KLHDC4: variants seen among roughly 807,000 people sequenced by gnomAD.
KLHDC4 encodes kelch domain-containing protein 4.
KLHDC4 carries 90 observed loss-of-function variants against 62.4 expected under a neutral mutation model. The observed-to-expected ratio is 1.44, with a 90% CI of 1.22 to 1.72. The LOEUF (loss-of-function observed/expected upper bound fraction) is 1.72, where lower values mean the gene tolerates loss of function less well. KLHDC4 is among the 40% of genes most tolerant of loss of function. The pLI is 0.00. For synonymous variants in KLHDC4, 386 were observed against 284.4 expected (o/e 1.36, Z -3.59); for missense variants, 1,025 against 699.7 (o/e 1.47, Z -5.25).
At chr16:87,698,261 C>CTGAT (rs936608998) in exon 1 of KLHDC4, 2 of 152,294 alleles carry the variant, frequency 1.3e-5, no homozygotes, top group East Asian at 1.9e-4. Context: ...TCATACATTT[C>CTGAT]TGATAATGTC....
intron 5 of KLHDC4, chr16:87,740,540 T>C (rs918550610): frequency 2.0e-5 from 3 of 152,250 alleles, no homozygotes; most frequent in African/African-American, 7.2e-5. Context: ...TCCTGGGAGC[T>C]GCCTGCACCC....
At chr16:87,728,256 C>T (rs1035846280) in intron 6 of KLHDC4, among the ~76,000 whole-genome samples, 5 of 152,280 alleles carry the variant, frequency 3.3e-5, no homozygotes, top group African/African-American at 4.8e-5. Context: ...CTTCGCAGGA[C>T]GATGGCTCTT....
chr16:87,734,043 G>C (rs1033852824), intron 5 of KLHDC4, among the ~76,000 whole-genome samples: 1 of 152,286 alleles, frequency 6.6e-6, no homozygotes, highest in Non-Finnish European at 1.5e-5. Context: ...AAATGGGCAG[G>C]TACCCTAAAA....
At chr16:87,729,777 C>T (rs372575202) in intron 6 of KLHDC4, among the ~76,000 whole-genome samples, 121 of 152,200 alleles carry the variant, frequency 8.0e-4, no homozygotes, top group Middle Eastern at 6.8e-3. Context: ...ATTACAGACC[C>T]GTGGCTCTCA....
chr16:87,719,037 C>G (rs1453290151), intron 7 of KLHDC4, among the ~76,000 whole-genome samples: 1 of 151,720 alleles, frequency 6.6e-6, no homozygotes, highest in Non-Finnish European at 1.5e-5. Context: ...AGCAGCCACC[C>G]CATCCGGGAG....
chr16:87,736,916 G>C (rs1025420849), intron 5 of KLHDC4, among the ~76,000 whole-genome samples: 1 of 151,824 alleles, frequency 6.6e-6, no homozygotes, highest in Non-Finnish European at 1.5e-5. Flanking sequence ...CCTGAGGTCA[G>C]GAGTTCGAGA....
downstream of KLHDC4, among the ~76,000 whole-genome samples, chr16:87,704,059 C>T (rs1158012139): frequency 6.6e-6 from 1 of 152,242 alleles, no homozygotes; most frequent in African/African-American, 2.4e-5. Flanking sequence ...TAGAGCTCGG[C>T]TCCTTTTCCT....
chr16:87,731,046 C>CTTTTTTTTTTT lies in KLHDC4; in HGVS notation c.507-413_507-403dup, dbSNP rs774096264. Reference sequence around the variant, plus strand: ...TTGTATCCAGAATACATACAGAATTCTTTTTTTTTTTTTTTTTTTTTTTTT... The same window carrying CTTTTTTTTTTT: ...TTGTATCCAGAATACATACAGAATTCTTTTTTTTTTTTTTTTTTTTTTTTTTTTTTTTTTTT... On this transcript the variant is annotated intron_variant, in intron 5 of 11. Coordinates refer to ENST00000270583, the MANE Select transcript of KLHDC4 (RefSeq NM_017566.4). 2.8e-5 allele frequency: 2 copies of CTTTTTTTTTTT among 72,032 alleles called. 1 individual carries two copies. The highest frequency in any genetic ancestry group is 5.6e-5 in the Non-Finnish European group (2 of 36,026). The allele number at this position is 72,032 out of a possible 1,614,324, so 4.5% of individuals were successfully genotyped here.
intron 5 of KLHDC4, among the ~76,000 whole-genome samples, chr16:87,747,257 A>G (rs1363344052): frequency 6.6e-6 from 1 of 151,718 alleles, no homozygotes; most frequent in African/African-American, 2.4e-5. Flanking sequence ...TCTATCACAG[A>G]GACTTCACTC....
At chr16:87,756,802 G>GT (rs2045013870) in intron 2 of KLHDC4, among the ~76,000 whole-genome samples, 2 of 151,042 alleles carry the variant, frequency 1.3e-5, no homozygotes, top group Admixed American at 1.3e-4. Context: ...TTCCAGAACT[G>GT]TTTTTTTGAT....
At chr16:87,737,048 T>C (rs1374847197) in intron 5 of KLHDC4, among the ~76,000 whole-genome samples, 2 of 127,634 alleles carry the variant, frequency 1.6e-5, no homozygotes, top group Admixed American at 2.1e-4. Flanking sequence ...TTGCTTGAAC[T>C]CAGGAGGCAG....
At chr16:87,701,900 C>G (rs1269543680) in exon 1 of KLHDC4, 1 of 456,384 alleles carries the variant, frequency 2.2e-6, no homozygotes, top group South Asian at 1.5e-5. Flanking sequence ...GGATGGGGCT[C>G]TGCTGTGCAC....
At chr16:87,708,325 C>G (rs1466086129) in intron 11 of KLHDC4, 25 bp downstream of exon 11, 2 of 1,481,526 alleles carry the variant, frequency 1.3e-6, no homozygotes, top group Non-Finnish European at 1.8e-6. Flanking sequence ...GCAGCCGCGC[C>G]ACCCGCCAGC....
intron 5 of KLHDC4, among the ~76,000 whole-genome samples, chr16:87,731,768 C>T (rs114479004): frequency 5.9e-4 from 90 of 152,340 alleles, no homozygotes; most frequent in African/African-American, 2.1e-3. Context: ...AGTTTATACA[C>T]GCTCTTGTGT....
chr16:87,704,797 T>C (rs1001103793), downstream of KLHDC4, among the ~76,000 whole-genome samples: 1 of 152,104 alleles, frequency 6.6e-6, no homozygotes. Context: ...CAAGAATTTC[T>C]AAGCTCAATG....
exon 1 of KLHDC4, chr16:87,701,462 C>T (rs988432594): frequency 3.7e-5 from 13 of 347,924 alleles, no homozygotes; most frequent in South Asian, 1.5e-4. Context: ...GCTGTGAATG[C>T]GGCCACAGCG....
intron 7 of KLHDC4, among the ~76,000 whole-genome samples, chr16:87,715,278 A>G (rs1051031605): frequency 2.0e-5 from 3 of 152,084 alleles, no homozygotes; most frequent in Admixed American, 6.5e-5. Flanking sequence ...TTAATACACT[A>G]TTTTAGAAGT....
At chr16:87,757,984 T>G (rs2045255258) in intron 2 of KLHDC4, among the ~76,000 whole-genome samples, 1 of 152,126 alleles carries the variant, frequency 6.6e-6, no homozygotes, top group African/African-American at 2.4e-5. Flanking sequence ...CTGGGAAAGA[T>G]CCTCCCTTCA....
intron 2 of KLHDC4, 134 bp from the exon 3 acceptor site, chr16:87,756,611 G>A (rs181494380): frequency 3.2e-5 from 20 of 633,644 alleles, no homozygotes; most frequent in African/African-American, 1.7e-4. Context: ...GCCTGGCATC[G>A]AGAAAGGAAG....
Sources: gnomAD v4.1 joint callset for allele counts (sites outside exome capture counted in the v4.1 genomes callset) on GRCh38, gnomAD v4.1.1 for gene constraint, MANE v1.5 for transcripts, NCBI Gene and HGNC (gene_info 2026-07-23, HGNC 2026-07-21) for gene names.